WDFY4: variants seen among roughly 807,000 people sequenced by gnomAD.
The protein encoded by WDFY4 is WDFY family member 4.
Under a neutral mutation model 351.9 loss-of-function variants are expected in WDFY4, and 169 were observed. That is an observed-to-expected ratio of 0.48 (90% CI 0.42 to 0.55). The LOEUF is 0.55. Among genes scored for constraint, WDFY4 ranks in the 20% least tolerant of loss-of-function variants. The pLI, the probability that WDFY4 is intolerant of heterozygous loss-of-function variation, is 0.00. For missense variants in WDFY4, 3,803 were observed against 3,935.6 expected (o/e 0.97, Z 0.90); for synonymous variants, 1,622 against 1,574.6 (o/e 1.03, Z -0.71).
At chr10:48,931,096 A>AACACACACAC (rs10598078) in intron 47 of WDFY4, among the ~76,000 whole-genome samples, 33 of 150,252 alleles carry the variant, frequency 2.2e-4, no homozygotes, top group African/African-American at 5.4e-4. Context: ...CTCACACTCA[A>AACACACACAC]ACACACACAC....
At chr10:48,945,983 C>A in intron 49 of WDFY4, 57 bp from the exon 50 acceptor site, 1 of 1,188,976 alleles carries the variant, frequency 8.4e-7, no homozygotes, top group South Asian at 1.6e-5. Flanking sequence ...AAGAGCGTGG[C>A]TCCTAGGGCA....
chr10:48,747,594 T>G (rs1376836906), intron 12 of WDFY4, among the ~76,000 whole-genome samples: 1 of 152,240 alleles, frequency 6.6e-6, no homozygotes, highest in African/African-American at 2.4e-5. Flanking sequence ...TTAAACCCAC[T>G]GAATCTCCTA....
At chr10:48,774,762 C>T in intron 14 of WDFY4, 90 bp downstream of exon 14, 6 of 1,446,916 alleles carry the variant, frequency 4.1e-6, no homozygotes, top group Non-Finnish European at 5.7e-6. Flanking sequence ...GGAGAGACTG[C>T]AGGGACAGAT....
intron 4 of WDFY4, 62 bp from the exon 5 acceptor site, chr10:48,723,371 G>T (rs1369807736): frequency 6.5e-7 from 1 of 1,530,562 alleles, no homozygotes; most frequent in Non-Finnish European, 8.8e-7. Flanking sequence ...CTGATCCTGG[G>T]TCTGGGCTGA....
intron 1 of WDFY4, among the ~76,000 whole-genome samples, chr10:48,702,639 C>G (rs893303969): frequency 6.6e-6 from 1 of 152,086 alleles, no homozygotes; most frequent in Non-Finnish European, 1.5e-5. Flanking sequence ...TTCATTCATT[C>G]TGTGAGGGGC....
At chr10:48,839,800 C>A (rs903829874) in intron 39 of WDFY4, among the ~76,000 whole-genome samples, 8 of 152,200 alleles carry the variant, frequency 5.3e-5, no homozygotes, top group African/African-American at 1.9e-4. Flanking sequence ...ATAAATAAAA[C>A]CACTCAGAAA....
intron 41 of WDFY4, among the ~76,000 whole-genome samples, chr10:48,874,524 G>C (rs1338912368): frequency 6.6e-6 from 1 of 151,892 alleles, no homozygotes; most frequent in Non-Finnish European, 1.5e-5. Flanking sequence ...AAAATCCTTT[G>C]TAAAATCTAA....
At chr10:48,926,335 T>C (rs1344057448) in intron 47 of WDFY4, among the ~76,000 whole-genome samples, 1 of 152,230 alleles carries the variant, frequency 6.6e-6, no homozygotes, top group Non-Finnish European at 1.5e-5. Context: ...TCCCCAGAAC[T>C]CTGGGTGATG....
At chr10:48,828,930 G>C (rs554350787) in intron 37 of WDFY4, 34 bp downstream of exon 37, 16 of 304,262 alleles carry the variant, frequency 5.3e-5, no homozygotes, top group East Asian at 2.6e-4. Flanking sequence ...GTGTGGGCGG[G>C]GGGGGGGCGG....
At chr10:48,884,312 T>C (rs1471301810) in intron 43 of WDFY4, 1 of 152,194 alleles carries the variant, frequency 6.6e-6, no homozygotes, top group Non-Finnish European at 1.5e-5. Context: ...ATGCAGTAAC[T>C]TCCTGTCTTT....
intron 36 of WDFY4, among the ~76,000 whole-genome samples, chr10:48,827,612 C>T (rs762053629): frequency 6.6e-5 from 10 of 150,418 alleles, no homozygotes; most frequent in Non-Finnish European, 1.0e-4. Flanking sequence ...TGAATAGAGC[C>T]GTGAGAGTGT....
rs1249351183 is a variant in WDFY4 at position 48,686,337 on chromosome 10, G to A, written c.-18+1336G>A. 6.6e-4 allele frequency among the ~76,000 whole-genome samples: 94 copies of A among 143,262 alleles called. 2 individuals are homozygous for A. The highest frequency in any genetic ancestry group is 9.0e-4 in the Admixed American group (13 of 14,460). 94.0% of individuals were successfully genotyped at this position (143,262 alleles called of 152,430 possible). A position where few individuals can be genotyped will look rare whatever the true frequency, so the allele number is the denominator to read the frequency against. On this transcript the variant is annotated intron_variant, in intron 1 of 61. Transcript: ENST00000325239. ...CTCCAAAAAAAAAAAAAAAAAAGAA[G>A]GAAAGAAAAGAAAATTTAGAAAGAC...
intron 13 of WDFY4, among the ~76,000 whole-genome samples, chr10:48,769,237 C>T (rs186377890): frequency 6.6e-6 from 1 of 152,134 alleles, no homozygotes; most frequent in Non-Finnish European, 1.5e-5. Flanking sequence ...ACCTAAACCA[C>T]GATCATAAAC....
chr10:48,916,127 G>A (rs1395800014), intron 47 of WDFY4, among the ~76,000 whole-genome samples: 2 of 152,172 alleles, frequency 1.3e-5, no homozygotes, highest in Non-Finnish European at 2.9e-5. Flanking sequence ...AGGCAGATTG[G>A]AGAAGAAATC....
In WDFY4 at chr10:48,826,749, T is replaced by A. The variant is rs2068023365; in HGVS notation, c.6061T>A (p.Cys2021Ser). Residue 2021 changes from cysteine (C) to serine (S), a missense_variant, in exon 36 of 62, where the codon TGC becomes AGC. Physicochemically the swap from Cys to Ser is moderately radical, Grantham distance 112. Coordinates refer to ENST00000325239, the MANE Select transcript of WDFY4 (RefSeq NM_001394531.1). ...CAGTTTAAATAAAGTCATTCTTTATTGCCTATCCAAGCCCCAGCAGTCCCT... is the reference window on the plus strand; with the variant it reads ...CAGTTTAAATAAAGTCATTCTTTATAGCCTATCCAAGCCCCAGCAGTCCCT... ...YSSLNKVILY[C>S]LSKPQQSLSE... The A allele has an allele frequency of 6.4e-7, 1 of 1,551,810 alleles. No individual in the cohort carries two copies. The highest frequency in any genetic ancestry group is 1.4e-5 in the African/African-American group (1 of 73,054).
chr10:48,704,301 C>A (rs368507292), intron 1 of WDFY4, among the ~76,000 whole-genome samples: 1 of 152,192 alleles, frequency 6.6e-6, no homozygotes. Flanking sequence ...CCCACTGCCC[C>A]CTCTGCCTCG....
intron 47 of WDFY4, chr10:48,911,057 G>A (rs1464017332): frequency 4.0e-6 from 1 of 248,872 alleles, no homozygotes. Context: ...GTCTCTGCGT[G>A]GACTCTATAC....
intron 51 of WDFY4, among the ~76,000 whole-genome samples, chr10:48,952,106 T>A (rs1353042086): frequency 1.3e-5 from 2 of 152,096 alleles, no homozygotes; most frequent in African/African-American, 2.4e-5. Flanking sequence ...GGCTGTTGAC[T>A]TAGAAGCTCC....
intron 39 of WDFY4, among the ~76,000 whole-genome samples, chr10:48,866,693 A>G (rs2069555810): frequency 6.6e-6 from 1 of 152,156 alleles, no homozygotes; most frequent in South Asian, 2.1e-4. Flanking sequence ...CATTCTTAGG[A>G]GGAAGGTTGA....
Sources: gnomAD v4.1 joint callset for allele counts (sites outside exome capture counted in the v4.1 genomes callset) on GRCh38, gnomAD v4.1.1 for gene constraint, MANE v1.5 for transcripts, NCBI Gene and HGNC (gene_info 2026-07-23, HGNC 2026-07-21) for gene names.